LAMA2: variants seen among roughly 807,000 people sequenced by gnomAD.
LAMA2 encodes the protein laminin subunit alpha 2.
Under a neutral mutation model 364.8 loss-of-function variants are expected in LAMA2, and 269 were observed. That is an observed-to-expected ratio of 0.74 (90% CI 0.67 to 0.82). The LOEUF (loss-of-function observed/expected upper bound fraction) is 0.82. LAMA2 is among the 40% of genes least tolerant of loss of function. The probability of loss-of-function intolerance (pLI) is 0.00; values close to 1 mark genes in which losing one functional copy is unlikely to be tolerated. For synonymous variants in LAMA2, 1,379 were observed against 1,370.6 expected, an observed-to-expected ratio of 1.01 and a Z score of -0.14; for missense variants, 3,807 against 3,873.2, an observed-to-expected ratio of 0.98 and a Z score of 0.45.
chr6:129,085,375 T>A (rs1774314534), intron 3 of LAMA2, among the ~76,000 whole-genome samples: 1 of 152,212 alleles, frequency 6.6e-6, no homozygotes, highest in African/African-American at 2.4e-5. Context: ...ACTATAACCA[T>A]GATTTTTTGT....
At chr6:129,300,228 A>G (rs1271142469) in intron 21 of LAMA2, among the ~76,000 whole-genome samples, 2 of 152,166 alleles carry the variant, frequency 1.3e-5, no homozygotes, top group Non-Finnish European at 2.9e-5. Context: ...AGTATTTGCA[A>G]AATTGGATTA....
chr6:129,454,372 A>G, intron 47 of LAMA2, 84 bp downstream of exon 47: 1 of 1,097,544 alleles, frequency 9.1e-7, no homozygotes, highest in Non-Finnish European at 1.4e-6. Context: ...TCCTATTTCC[A>G]TTTCAATAAG....
At chr6:129,323,882 TG>T (rs1272974210) in intron 28 of LAMA2, among the ~76,000 whole-genome samples, 4 of 152,242 alleles carry the variant, frequency 2.6e-5, no homozygotes, top group Non-Finnish European at 4.4e-5. Flanking sequence ...GCTTTAGGCT[TG>T]CAGTTGAATG....
chr6:129,319,634 C>A (rs1235336541), intron 27 of LAMA2, among the ~76,000 whole-genome samples: 1 of 152,112 alleles, frequency 6.6e-6, no homozygotes, highest in Non-Finnish European at 1.5e-5. Flanking sequence ...GACCCTTGAA[C>A]AACATGGTGG....
At chr6:129,393,958 A>G (rs901873249) in intron 37 of LAMA2, among the ~76,000 whole-genome samples, 3 of 152,212 alleles carry the variant, frequency 2.0e-5, no homozygotes, top group Non-Finnish European at 2.9e-5. Flanking sequence ...GATAACAGTT[A>G]CTTCTCAACT....
intron 1 of LAMA2, among the ~76,000 whole-genome samples, chr6:129,047,610 C>G (rs1362478655): frequency 1.3e-5 from 2 of 152,102 alleles, no homozygotes; most frequent in Non-Finnish European, 2.9e-5. Flanking sequence ...GGGGGCAGCT[C>G]TTTGGGAGAT....
intron 1 of LAMA2, chr6:128,929,711 C>G: frequency 1.4e-6 from 2 of 1,395,900 alleles, no homozygotes; most frequent in Middle Eastern, 2.5e-4. Context: ...GATGAAACCT[C>G]AAGGTCAGAC....
chr6:129,402,438 G>A lies in LAMA2; in HGVS notation c.5677G>A (p.Ala1893Thr), dbSNP rs1393203430. Residue 1893 changes from alanine (A) to threonine (T), a missense_variant, in exon 39 of 65, where the codon GCT becomes ACT. Physicochemically the swap from Ala to Thr is moderately conservative, Grantham distance 58. Around this residue, in one of 3 missense-constraint regions of LAMA2, gnomAD observed 3,333 missense variants for 3,345.7 expected, o/e 1.00. Coordinates refer to ENST00000421865, the MANE Select transcript of LAMA2 (RefSeq NM_000426.4). ...GAAGCTTGCTGAGAAGGTGTCCCAGGCTGAGAGCCACGCAGCTCAGTTGAA... is the reference window on the plus strand; with the variant it reads ...GAAGCTTGCTGAGAAGGTGTCCCAGACTGAGAGCCACGCAGCTCAGTTGAA... ...DRKLAEKVSQ[A>T]ESHAAQLNDS... 2 of 1,614,122 alleles carry A rather than the reference G, an allele frequency of 1.2e-6. No individual in the cohort carries two copies. Among genetic ancestry groups the A allele is most frequent in the South Asian group, 1.1e-5 (1 of 91,076 alleles).
chr6:128,893,249 G>T (rs1488331424), intron 1 of LAMA2, among the ~76,000 whole-genome samples: 2 of 151,864 alleles, frequency 1.3e-5, no homozygotes, highest in Non-Finnish European at 2.9e-5. Flanking sequence ...AAATAAGGCA[G>T]ACCATACAAA....
chr6:129,177,644 C>A lies in LAMA2; in HGVS notation c.1307-62C>A, dbSNP rs558980956. ...ATTTTAAAGGTTACTGTCATTAAAA[C>A]TTTAACAACTAAATTATGTACTTGT... On this transcript the variant is annotated intron_variant, in intron 9 of 64. Transcript: ENST00000421865. The A allele has an allele frequency of 7.7e-6, 12 of 1,549,052 alleles. No individual in the cohort carries two copies. In the East Asian group the frequency reaches 2.7e-4, roughly 35 times the overall value.
intron 54 of LAMA2, 70 bp from the exon 55 acceptor site, chr6:129,481,193 G>T (rs951440742): frequency 5.2e-6 from 6 of 1,158,180 alleles, no homozygotes; most frequent in African/African-American, 1.5e-5. Flanking sequence ...CGAGGAGGGT[G>T]AGTGAGATGG....
intron 1 of LAMA2, among the ~76,000 whole-genome samples, chr6:128,980,931 A>G (rs1782826278): frequency 6.6e-6 from 1 of 152,230 alleles, no homozygotes; most frequent in Admixed American, 6.5e-5. Context: ...TAATTTATAC[A>G]TTAATTGATG....
chr6:129,157,752 T>C (rs1779201591), intron 8 of LAMA2: 2 of 1,612,406 alleles, frequency 1.2e-6, no homozygotes, highest in Non-Finnish European at 1.7e-6. Flanking sequence ...CATGTTATAA[T>C]ATGGCAATTG....
In LAMA2 at chr6:128,899,105, G is replaced by T. The variant is rs549265024; in HGVS notation, c.112+15748G>T. On this transcript the variant is annotated intron_variant, in intron 1 of 64. Transcript: ENST00000421865. The stretch of plus-strand genomic sequence containing the variant: ...TGTTTATTTACTTTTCTTCTTTGTT[G>T]TTTGTCTCCCCAGACTGTTGGAATA... Among the ~76,000 whole-genome samples, 7 of 152,198 alleles carry T rather than the reference G, an allele frequency of 4.6e-5. No individual in the cohort carries two copies. In the South Asian group the frequency reaches 1.0e-3, roughly 23 times the overall value.
chr6:129,247,598 CATCT>C (rs1215034023), intron 12 of LAMA2, among the ~76,000 whole-genome samples: 1 of 152,106 alleles, frequency 6.6e-6, no homozygotes, highest in Admixed American at 6.5e-5. Context: ...GGGAAAAAAA[CATCT>C]AGTAACAGTA....
intron 1 of LAMA2, among the ~76,000 whole-genome samples, chr6:129,045,289 T>C (rs1787397805): frequency 1.3e-5 from 2 of 152,168 alleles, no homozygotes; most frequent in South Asian, 2.1e-4. Context: ...TTTATTAGTG[T>C]CTTTAGTTTT....
chr6:128,913,098 A>G (rs1394504994), intron 1 of LAMA2, among the ~76,000 whole-genome samples: 2 of 152,340 alleles, frequency 1.3e-5, no homozygotes, highest in African/African-American at 4.8e-5. Context: ...AAAAATTTAA[A>G]AACCAATCCA....
intron 1 of LAMA2, among the ~76,000 whole-genome samples, chr6:128,889,193 A>C (rs886965547): frequency 6.6e-6 from 1 of 152,220 alleles, no homozygotes; most frequent in African/African-American, 2.4e-5. Context: ...ATGCACTTTA[A>C]AACAAAAATG....
chr6:129,233,892 C>T (rs994496766), intron 12 of LAMA2, among the ~76,000 whole-genome samples: 2 of 152,102 alleles, frequency 1.3e-5, no homozygotes, highest in Admixed American at 1.3e-4. Context: ...AAACTCCGCT[C>T]CAGTAGAGCA....
Sources: gnomAD v4.1 joint callset for allele counts (sites outside exome capture counted in the v4.1 genomes callset) on GRCh38, gnomAD v4.1.1 for gene constraint, gnomAD v4.1.1 regional missense constraint, MANE v1.5 for transcripts, NCBI Gene and HGNC (gene_info 2026-07-23, HGNC 2026-07-21) for gene names.